The following NLRP8 variants were observed in gnomAD, a reference collection of about 807,000 sequenced individuals.
NLRP8 encodes NLR family pyrin domain containing 8.
Under a neutral mutation model 88.7 loss-of-function variants are expected in NLRP8, and 86 were observed. That is an observed-to-expected ratio of 0.97 (90% confidence interval 0.81 to 1.16). The LOEUF (loss-of-function observed/expected upper bound fraction) is 1.16, where lower values mean the gene tolerates loss of function less well. Among genes scored for constraint, NLRP8 ranks in the 50% most tolerant of loss-of-function variants. The pLI, the probability that NLRP8 is intolerant of heterozygous loss-of-function variation, is 0.00. For missense variants in NLRP8, 1,342 were observed against 1,286.5 expected (o/e 1.04, Z -0.66); for synonymous variants, 504 against 494.6 (o/e 1.02, Z -0.25).
chr19:55,985,078 C>A (rs1234424758), intron 9 of NLRP8, among the ~76,000 whole-genome samples: 1 of 152,062 alleles, frequency 6.6e-6, no homozygotes, highest in Non-Finnish European at 1.5e-5. Context: ...CCCAGGTGGG[C>A]GGATCACAAG....
At chr19:55,950,201 A>C (rs1196003480) in intron 1 of NLRP8, among the ~76,000 whole-genome samples, 1 of 151,498 alleles carries the variant, frequency 6.6e-6, no homozygotes, top group South Asian at 2.1e-4. Context: ...ACCCAAGGTC[A>C]GGAGTTCAAG....
chr19:55,950,456 C>T (rs1395977932), intron 1 of NLRP8, among the ~76,000 whole-genome samples: 1 of 151,916 alleles, frequency 6.6e-6, no homozygotes, highest in African/African-American at 2.4e-5. Flanking sequence ...CAGAGACACA[C>T]GTACGCAGTT....
chr19:55,985,365 A>G (rs1980761912), intron 9 of NLRP8, among the ~76,000 whole-genome samples: 1 of 152,164 alleles, frequency 6.6e-6, no homozygotes, highest in South Asian at 2.1e-4. Context: ...CTAGCACAGT[A>G]TGGTATTTTC....
intron 5 of NLRP8, among the ~76,000 whole-genome samples, chr19:55,969,422 A>G (rs1665742280): frequency 6.6e-6 from 1 of 152,202 alleles, no homozygotes; most frequent in South Asian, 2.1e-4. Context: ...AAGTTGCTGC[A>G]AAAGACATCA....
chr19:55,970,784 T>G, intron 6 of NLRP8, 88 bp downstream of exon 6: 1 of 1,549,932 alleles, frequency 6.5e-7, no homozygotes, highest in Non-Finnish European at 8.8e-7. Context: ...AAAGAAGTCA[T>G]AGGGAAGGTA....
rs1295721001 is a variant in NLRP8 at position 55,987,826 on chromosome 19, C to T, written c.3060C>T (p.Ala1020=). 2 of 1,613,852 alleles carry T rather than the reference C, an allele frequency of 1.2e-6. No homozygotes were observed. The highest frequency in any genetic ancestry group is 1.7e-6 in the Non-Finnish European group (2 of 1,179,830). Residue 1020 remains alanine (A), a synonymous_variant, in exon 10 of 10, where the codon GCC becomes GCT. Coordinates refer to ENST00000291971, the MANE Select transcript of NLRP8 (RefSeq NM_176811.2). ...TACCTCCCTCCAGCTGTATTCCTGC[C>T]TGGACTCGAATAACTAGCTTCTCCC...
At position 55,979,469 on chromosome 19, in the gene NLRP8, A is replaced by T. The variant is rs202123719; in HGVS notation, c.2952A>T (p.Arg984Ser). The T allele has an allele frequency of 1.1e-5, 17 of 1,614,206 alleles. No individual in the cohort carries two copies. In the East Asian group the frequency reaches 3.8e-4, roughly 36 times the overall value. Residue 984 changes from arginine (R) to serine (S), a missense_variant, in exon 9 of 10, where the codon AGA becomes AGT. Coordinates refer to ENST00000291971, the MANE Select transcript of NLRP8 (RefSeq NM_176811.2). ...TGCTCCGCAAAAACCAACATCTGAG[A>T]CATCTGGACTTGAGCAAGAATGCGA...
chr19:55,967,248 T>G (rs1474760576), intron 5 of NLRP8, among the ~76,000 whole-genome samples: 1 of 152,202 alleles, frequency 6.6e-6, no homozygotes, highest in African/African-American at 2.4e-5. Flanking sequence ...CCTTGAGCAG[T>G]GAGATATAAA....
intron 6 of NLRP8, among the ~76,000 whole-genome samples, chr19:55,972,002 T>G (rs879585489): frequency 6.6e-6 from 1 of 152,206 alleles, no homozygotes; most frequent in Non-Finnish European, 1.5e-5. Context: ...TTTCCTTTTT[T>G]ATAACTTCCG....
chr19:55,982,127 C>T (rs930640079), intron 9 of NLRP8, among the ~76,000 whole-genome samples: 3 of 152,150 alleles, frequency 2.0e-5, no homozygotes, highest in African/African-American at 7.2e-5. Context: ...TGGTCTTGAT[C>T]TCTTGACCTC....
intron 4 of NLRP8, among the ~76,000 whole-genome samples, chr19:55,963,468 G>A (rs1979703912): frequency 6.6e-6 from 1 of 152,212 alleles, no homozygotes; most frequent in African/African-American, 2.4e-5. Flanking sequence ...GTTAGCAGGT[G>A]CCTGCGTGGG....
intron 3 of NLRP8, among the ~76,000 whole-genome samples, chr19:55,958,213 A>C (rs1023845223): frequency 6.6e-6 from 1 of 152,182 alleles, no homozygotes; most frequent in African/African-American, 2.4e-5. Flanking sequence ...TTGTTCCTTA[A>C]CTGCTCTGCG....
At chr19:55,954,156 G>A (rs1347429980) in intron 2 of NLRP8, among the ~76,000 whole-genome samples, 1 of 152,088 alleles carries the variant, frequency 6.6e-6, no homozygotes, top group East Asian at 1.9e-4. Flanking sequence ...CTACAGCAGC[G>A]ATCTTCTATC....
At position 55,987,948 on chromosome 19, in the gene NLRP8, TCAGTTCC is replaced by T; in HGVS notation, c.*38_*44del. On this transcript the variant is annotated 3_prime_UTR_variant, in exon 10 of 10. Coordinates refer to ENST00000291971, the MANE Select transcript of NLRP8 (RefSeq NM_176811.2). ...TCATCTTTCTCTGGGGCTTGATTGA[TCAGTTCC>T]CACTCTGACAACTGGCAAATACCAG... 1 of 1,502,900 alleles carries T rather than the reference TCAGTTCC, an allele frequency of 6.7e-7. No individual in the cohort carries two copies. Among genetic ancestry groups the T allele is most frequent in the Non-Finnish European group, 9.3e-7 (1 of 1,078,888 alleles). 93.1% of individuals were successfully genotyped at this position (1,502,900 alleles called of 1,614,324 possible).
In NLRP8 at chr19:55,956,120, C is replaced by G. The variant is rs1383063396; in HGVS notation, c.2042+20C>G. ...CTCTGAGTAAGTGCTTCGGTCCCTCCTTGGGTAGCCCGTCCTACCCGGAGG... is the reference window on the plus strand; with the variant it reads ...CTCTGAGTAAGTGCTTCGGTCCCTCGTTGGGTAGCCCGTCCTACCCGGAGG... On this transcript the variant is annotated intron_variant, in intron 3 of 9. Coordinates refer to ENST00000291971, the MANE Select transcript of NLRP8 (RefSeq NM_176811.2). 1 of 1,595,264 alleles carries G rather than the reference C, an allele frequency of 6.3e-7. No homozygotes were observed. The highest frequency in any genetic ancestry group is 8.5e-7 in the Non-Finnish European group (1 of 1,170,126).
At chr19:55,971,507 A>T (rs1026634836) in intron 6 of NLRP8, among the ~76,000 whole-genome samples, 11 of 150,444 alleles carry the variant, frequency 7.3e-5, no homozygotes, top group Non-Finnish European at 1.2e-4. Context: ...TCCCTGATCT[A>T]TATCTTAGTG....
Position 55,961,197 on chromosome 19 carries a change from C to T in NLRP8, c.2043-870C>T, listed in dbSNP as rs150596757. Among the ~76,000 whole-genome samples, 526 of 152,122 alleles carry T rather than the reference C, an allele frequency of 3.5e-3. 5 individuals are homozygous for T. The highest frequency in any genetic ancestry group is 5.5e-3 in the Non-Finnish European group (372 of 68,000). On this transcript the variant is annotated intron_variant, in intron 3 of 9. Coordinates refer to ENST00000291971, the MANE Select transcript of NLRP8 (RefSeq NM_176811.2). ...GGATTACAATGTGAGCCACCGTGCCCGGCCACTTTCAACTATTTCTTTAAT... is the reference window on the plus strand; with the variant it reads ...GGATTACAATGTGAGCCACCGTGCCTGGCCACTTTCAACTATTTCTTTAAT...
At chr19:55,963,453 C>T (rs185271838) in intron 4 of NLRP8, among the ~76,000 whole-genome samples, 51 of 152,334 alleles carry the variant, frequency 3.3e-4, no homozygotes, top group Non-Finnish European at 6.8e-4. Flanking sequence ...CTCTAACACA[C>T]CACTGTTAGC....
At chr19:55,976,940 C>T (rs306479) in intron 8 of NLRP8, among the ~76,000 whole-genome samples, 54,250 of 148,866 alleles carry the variant, frequency 0.36, 10,434 homozygotes, top group Non-Finnish European at 0.43. Context: ...ATTAGCTGGG[C>T]GTGGTGGTGG....
Sources: allele counts gnomAD v4.1 joint callset (sites outside exome capture counted in the v4.1 genomes callset), GRCh38; gene constraint gnomAD v4.1.1; transcripts MANE v1.5; gene names NCBI Gene and HGNC (gene_info 2026-07-23, HGNC 2026-07-21).